The following DMXL1 variants were observed in gnomAD, a reference collection of about 807,000 sequenced individuals.
The protein encoded by DMXL1 is Dmx like 1.
DMXL1 carries 99 observed loss-of-function variants against 319.2 expected under a neutral mutation model. The ratio of observed to expected loss-of-function variants is 0.31; its 90% confidence interval spans 0.26 to 0.37. DMXL1 has a LOEUF of 0.37. Ranked by LOEUF, DMXL1 falls within the 10% of genes least tolerant of loss-of-function variation. DMXL1 has a pLI of 1.00. For synonymous variants in DMXL1, 1,385 were observed against 1,235.2 expected (o/e 1.12, Z -2.54); for missense variants, 3,745 against 3,595.6 (o/e 1.04, Z -1.06).
intron 21 of DMXL1, among the ~76,000 whole-genome samples, chr5:119,165,698 C>T (rs1773287256): frequency 6.6e-6 from 1 of 152,176 alleles, no homozygotes; most frequent in African/African-American, 2.4e-5. Flanking sequence ...AAAGGCATGT[C>T]TCACATGGCA....
chr5:119,167,637 C>T lies in DMXL1; in HGVS notation c.5171C>T (p.Ala1724Val). The change falls in exon 23 of 44, where the codon GCT becomes GTT. Residue 1724 changes from alanine (A) to valine (V), a missense_variant. Around this residue, in one of 4 missense-constraint regions of DMXL1, gnomAD observed 1,382 missense variants for 1,269.5 expected, o/e 1.09. Transcript: ENST00000539542. ...CLEKLNDIQL[A>V]LVIARLYESE... Reference sequence around the variant, plus strand: ...GAGAAATTGAATGACATTCAGTTGGCTCTTGTAATAGCAAGACTCTATGAG... The same window carrying T: ...GAGAAATTGAATGACATTCAGTTGGTTCTTGTAATAGCAAGACTCTATGAG... 1.2e-6 allele frequency: 2 copies of T among 1,608,092 alleles called. No homozygotes were observed.
At chr5:119,101,481 A>G (rs1757270150) in intron 2 of DMXL1, among the ~76,000 whole-genome samples, 1 of 152,244 alleles carries the variant, frequency 6.6e-6, no homozygotes, top group African/African-American at 2.4e-5. Context: ...ATAAAATAGA[A>G]TATGTTTTAA....
At chr5:119,071,763 A>T (rs572632317) in intron 1 of DMXL1, 107 bp downstream of exon 1, 4 of 1,046,460 alleles carry the variant, frequency 3.8e-6, no homozygotes, top group East Asian at 2.7e-5. Context: ...TTGTCTCCCC[A>T]GGGGGGTCCT....
Position 119,170,804 on chromosome 5 carries a change from A to G in DMXL1, c.6013A>G (p.Thr2005Ala), listed in dbSNP as rs1774391262. The G allele has an allele frequency of 1.2e-6, 2 of 1,611,962 alleles. No individual in the cohort carries two copies. Among genetic ancestry groups the G allele is most frequent in the African/African-American group, 1.3e-5 (1 of 74,286 alleles). The change falls in exon 24 of 44, where the codon ACA (threonine) becomes GCA (alanine). Residue 2005 changes from threonine (T) to alanine (A), a missense_variant. By Grantham distance (58) the Thr-to-Ala change is moderately conservative. Around this residue, in one of 4 missense-constraint regions of DMXL1, gnomAD observed 1,382 missense variants for 1,269.5 expected, o/e 1.09. Coordinates refer to ENST00000539542, the MANE Select transcript of DMXL1 (RefSeq NM_001290321.3). ...GTTGGATGACATAAGTTCTAACTAC[A>G]CAGAATCTTTCAGCACACTAGATGA... is the stretch of plus-strand genomic sequence containing the variant. ...KKLDDISSNY[T>A]ESFSTLDEND...
intron 28 of DMXL1, among the ~76,000 whole-genome samples, chr5:119,179,648 A>G (rs545994412): frequency 6.6e-6 from 1 of 152,334 alleles, no homozygotes; most frequent in South Asian, 2.1e-4. Flanking sequence ...ATTAGTAGCA[A>G]TGTTGGCATA....
At position 119,197,839 on chromosome 5, in the gene DMXL1, T is replaced by C; in HGVS notation, c.7628T>C (p.Ile2543Thr). ...WEQVLLRRLE[I>T]HGGPPQNYIA... The stretch of plus-strand genomic sequence containing the variant: ...CAAGTTCTTCTCCGACGACTTGAAA[T>C]CCATGGTGGGCCACCTCAAAATTAT... The change falls in exon 32 of 44, where the codon ATC becomes ACC. Residue 2543 changes from isoleucine (I) to threonine (T), a missense_variant. By Grantham distance (89) the Ile-to-Thr change is moderately conservative. Around this residue, in one of 4 missense-constraint regions of DMXL1, gnomAD observed 1,382 missense variants for 1,269.5 expected, o/e 1.09. Coordinates refer to ENST00000539542, the MANE Select transcript of DMXL1 (RefSeq NM_001290321.3). 3 of 1,614,182 alleles carry C rather than the reference T, an allele frequency of 1.9e-6. No homozygotes were observed. The highest frequency in any genetic ancestry group is 1.7e-6 in the Non-Finnish European group (2 of 1,180,018).
rs1175637951 is a variant in DMXL1 at position 119,177,929 on chromosome 5, A to T, written c.6887-67A>T. ...TACATTTTTTCCTGAAATTAGAAAA[A>T]TATAGTTAATTTTTAAAATTTTAAA... On this transcript the variant is annotated intron_variant, in intron 27 of 43. Coordinates refer to ENST00000539542, the MANE Select transcript of DMXL1 (RefSeq NM_001290321.3). The T allele has an allele frequency of 2.9e-6, 4 of 1,380,752 alleles. No homozygotes were observed. The South Asian group carries it at 6.6e-5, about 23-fold the overall frequency. 85.5% of individuals were successfully genotyped at this position (1,380,752 alleles called of 1,614,324 possible). A position where few individuals can be genotyped will look rare whatever the true frequency, so the allele number is the denominator to read the frequency against.
At chr5:119,107,595 A>ATGG (rs1293705631) in intron 4 of DMXL1, among the ~76,000 whole-genome samples, 5 of 152,220 alleles carry the variant, frequency 3.3e-5, no homozygotes, top group Admixed American at 2.0e-4. Context: ...ATACCATATT[A>ATGG]TATCTTACCT....
At chr5:119,238,169 A>C (rs796568491) in intron 40 of DMXL1, among the ~76,000 whole-genome samples, 2 of 152,224 alleles carry the variant, frequency 1.3e-5, no homozygotes, top group African/African-American at 4.8e-5. Flanking sequence ...CTTTTAAAAA[A>C]ATGAATTGGT....
intron 19 of DMXL1, among the ~76,000 whole-genome samples, chr5:119,155,325 A>T (rs1770770687): frequency 6.6e-6 from 1 of 152,232 alleles, no homozygotes; most frequent in East Asian, 1.9e-4. Context: ...AGGCTTCACC[A>T]TTCTAGATGC....
chr5:119,231,769 G>C (rs756319422), intron 38 of DMXL1, among the ~76,000 whole-genome samples: 1 of 152,184 alleles, frequency 6.6e-6, no homozygotes. Flanking sequence ...TATTTGATTG[G>C]TTAAGTGGAA....
At chr5:119,209,114 C>T (rs1198355974) in intron 34 of DMXL1, among the ~76,000 whole-genome samples, 3 of 152,124 alleles carry the variant, frequency 2.0e-5, no homozygotes, top group Non-Finnish European at 2.9e-5. Flanking sequence ...TTAATGAACA[C>T]TTGAGCTGAT....
chr5:119,099,135 A>C (rs1287331127), intron 2 of DMXL1, among the ~76,000 whole-genome samples: 2 of 151,372 alleles, frequency 1.3e-5, no homozygotes, highest in East Asian at 3.9e-4. Context: ...TCGCTGTACA[A>C]CAAAAATGAT....
At chr5:119,089,829 TTGGTCAGGC>T (rs1269544285) in intron 1 of DMXL1, among the ~76,000 whole-genome samples, 1 of 151,232 alleles carries the variant, frequency 6.6e-6, no homozygotes, top group Non-Finnish European at 1.5e-5. Context: ...TTTCTCCAGG[TTGGTCAGGC>T]TGGTCTTGAA....
chr5:119,133,441 A>G, intron 11 of DMXL1, 53 bp from the exon 12 acceptor site: 2 of 1,580,408 alleles, frequency 1.3e-6, no homozygotes, highest in Non-Finnish European at 1.7e-6. Flanking sequence ...ACTATTTTCT[A>G]ATACCTCTTT....
At chr5:119,153,503 A>G (rs765349489) in intron 19 of DMXL1, among the ~76,000 whole-genome samples, 1 of 152,238 alleles carries the variant, frequency 6.6e-6, no homozygotes, top group Non-Finnish European at 1.5e-5. Flanking sequence ...GGTAGCTACC[A>G]TGCTGTGCAG....
At chr5:119,194,398 A>G (rs1373329325) in intron 30 of DMXL1, among the ~76,000 whole-genome samples, 2 of 152,240 alleles carry the variant, frequency 1.3e-5, no homozygotes, top group Non-Finnish European at 2.9e-5. Flanking sequence ...ACTATCTTCA[A>G]AAAGTACTCT....
At chr5:119,152,355 C>CTT (rs145129906) in intron 19 of DMXL1, among the ~76,000 whole-genome samples, 5 of 151,530 alleles carry the variant, frequency 3.3e-5, no homozygotes, top group African/African-American at 7.3e-5. Flanking sequence ...CTTTTCTCTC[C>CTT]TTTTTTTTGA....
In DMXL1 at chr5:119,149,238, G is replaced by A. The variant is rs770932025; in HGVS notation, c.3411G>A (p.Lys1137=). The A allele has an allele frequency of 1.9e-6, 3 of 1,613,710 alleles. No homozygotes were observed. Among genetic ancestry groups the A allele is most frequent in the Non-Finnish European group, 2.5e-6 (3 of 1,179,874 alleles). The change falls in exon 18 of 44, where the codon AAG becomes AAA. Residue 1137 remains lysine, a synonymous_variant. Coordinates refer to ENST00000539542, the MANE Select transcript of DMXL1 (RefSeq NM_001290321.3). The part of the protein sequence containing the change: ...SSKENITSNT[K]HLVHLDWMSR... ...AAGAGAATATCACATCAAACACAAAGCATTTAGTTCACTTAGATTGGATGT... is the reference window on the plus strand; with the variant it reads ...AAGAGAATATCACATCAAACACAAAACATTTAGTTCACTTAGATTGGATGT...
Sources: gnomAD v4.1 joint callset for allele counts (sites outside exome capture counted in the v4.1 genomes callset) on GRCh38, gnomAD v4.1.1 for gene constraint, gnomAD v4.1.1 regional missense constraint, MANE v1.5 for transcripts, NCBI Gene and HGNC (gene_info 2026-07-23, HGNC 2026-07-21) for gene names.